Variants in DNAH17 observed in about 807,000 individuals in gnomAD.
DNAH17 encodes dynein axonemal heavy chain 17.
In DNAH17, 376 loss-of-function variants were observed where a neutral mutation model predicts 485.6. The ratio of observed to expected loss-of-function variants is 0.77; its 90% CI spans 0.71 to 0.84. The LOEUF is 0.84. Among genes scored for constraint, DNAH17 ranks in the 40% least tolerant of loss-of-function variants. The probability of loss-of-function intolerance (pLI) is 0.00; values close to 1 mark genes in which losing one functional copy is unlikely to be tolerated. For synonymous variants in DNAH17, 3,031 were observed against 2,405.9 expected (o/e 1.26, Z -7.60); for missense variants, 6,370 against 5,839.3 (o/e 1.09, Z -2.96).
At chr17:78,429,029 C>T (rs2086582729) in intron 76 of DNAH17, 92 bp downstream of exon 76, 3 of 1,405,438 alleles carry the variant, frequency 2.1e-6, no homozygotes, top group Non-Finnish European at 2.9e-6. Flanking sequence ...GGTTCTTGCT[C>T]AATTATTGAC....
Position 78,558,166 on chromosome 17 carries a change from TTC to T in DNAH17, c.2118_2119del (p.Asn707ArgfsTer18), listed in dbSNP as rs1568252040. The T allele has an allele frequency of 1.2e-6, 2 of 1,613,856 alleles. No homozygotes were observed. Among genetic ancestry groups the T allele is most frequent in the South Asian group, 1.1e-5 (1 of 91,012 alleles). On this transcript the variant is annotated frameshift_variant, in exon 14 of 81. Coordinates refer to ENST00000389840, the MANE Select transcript of DNAH17 (RefSeq NM_173628.4). LOFTEE classifies it high-confidence loss of function. ...GCCCACAAACTTCCGGAAAGTTTCG[TTC>T]TCTGAGAACAGACTCTCCGCACTGT...
At chr17:78,526,847 G>A (rs760786468) in intron 23 of DNAH17, 33 bp downstream of exon 23, 134 of 1,557,542 alleles carry the variant, frequency 8.6e-5, no homozygotes, top group Admixed American at 8.3e-4. Flanking sequence ...GCTGCTCCCC[G>A]GAAATCCCGC....
Position 78,494,202 on chromosome 17 carries a change from G to A in DNAH17, c.6271-29C>T, listed in dbSNP as rs745822125. 2.5e-6 allele frequency: 4 copies of A among 1,593,280 alleles called. No individual in the cohort carries two copies. The Admixed American group carries it at 6.8e-5, about 27-fold the overall frequency. Reference sequence around the variant, plus strand: ...GGGAGACATGGATGAGGCTGGGTGAGGAACTGAAGCAGCTTTTCTTTCTTC... The same window carrying A: ...GGGAGACATGGATGAGGCTGGGTGAAGAACTGAAGCAGCTTTTCTTTCTTC... On this transcript the variant is annotated intron_variant, in intron 40 of 80. Transcript: ENST00000389840.
chr17:78,541,541 A>G (rs547370791), intron 17 of DNAH17, among the ~76,000 whole-genome samples: 3 of 152,002 alleles, frequency 2.0e-5, no homozygotes, highest in East Asian at 1.9e-4. Context: ...TAACTTCAGC[A>G]TAAGATAAAA....
intron 63 of DNAH17, 58 bp from the exon 64 acceptor site, chr17:78,454,763 A>C: frequency 1.4e-6 from 2 of 1,439,808 alleles, no homozygotes; most frequent in Non-Finnish European, 1.9e-6. Context: ...ACTTACTAGA[A>C]AATAGCTCTC....
intron 74 of DNAH17, among the ~76,000 whole-genome samples, chr17:78,434,610 C>T (rs1367784578): frequency 6.6e-6 from 1 of 150,956 alleles, no homozygotes; most frequent in Non-Finnish European, 1.5e-5. Context: ...CTAAAAACAA[C>T]TGGTAAAGTT....
intron 57 of DNAH17, 105 bp from the exon 58 acceptor site, chr17:78,461,813 A>C (rs2088143371): frequency 1.7e-6 from 2 of 1,163,988 alleles, no homozygotes; most frequent in East Asian, 5.3e-5. Flanking sequence ...GCAGAACGGC[A>C]GGGCCGTGTC....
At chr17:78,569,670 G>GT in intron 7 of DNAH17, 143 bp from the exon 8 acceptor site, 1 of 1,056,548 alleles carries the variant, frequency 9.5e-7, no homozygotes, top group Non-Finnish European at 1.3e-6. Flanking sequence ...CTGCTGGGCC[G>GT]TTTTTAGGGG....
At chr17:78,458,942 T>C (rs2146523892) in intron 61 of DNAH17, 59 bp downstream of exon 61, 1 of 1,563,030 alleles carries the variant, frequency 6.4e-7, no homozygotes. Flanking sequence ...AGGTATTGAC[T>C]GGCAGCGCGA....
intron 16 of DNAH17, among the ~76,000 whole-genome samples, chr17:78,545,238 T>C (rs1388430996): frequency 6.6e-6 from 1 of 152,238 alleles, no homozygotes; most frequent in Non-Finnish European, 1.5e-5. Flanking sequence ...ACGATATGAT[T>C]AAGCCTGTGT....
intron 14 of DNAH17, among the ~76,000 whole-genome samples, chr17:78,554,436 CAAAAAAAAAAAAAAAAAAAAAA>C (rs55701739): frequency 1.2e-4 from 4 of 32,238 alleles, no homozygotes; most frequent in Admixed American, 6.4e-4. Context: ...GACTCTGTCT[CAAAAAAAAAAAAAAAAAAAAAA>C]AAAAAAAAAA....
intron 43 of DNAH17, 94 bp downstream of exon 43, chr17:78,491,349 T>C (rs1015412435): frequency 2.0e-6 from 3 of 1,500,364 alleles, no homozygotes; most frequent in Non-Finnish European, 2.7e-6. Context: ...AAGCCTGGCA[T>C]GCAGGGCCTG....
At chr17:78,468,104 A>G (rs2088568752) in intron 55 of DNAH17, among the ~76,000 whole-genome samples, 2 of 151,956 alleles carry the variant, frequency 1.3e-5, no homozygotes, top group African/African-American at 4.8e-5. Flanking sequence ...GGGTCCACAT[A>G]GAGTCGGTTG....
rs377623787 is a variant in DNAH17, at chr17:78,486,549, G to C, written c.6819-43C>G. 8 of 1,559,798 alleles carry C rather than the reference G, an allele frequency of 5.1e-6. No homozygotes were observed. In the African/African-American group the frequency reaches 1.1e-4, roughly 21 times the overall value. On this transcript the variant is annotated intron_variant, in intron 44 of 80. Transcript: ENST00000389840. ...CGCCGATGACACAGCCGCTGCTCTG[G>C]GTCTGCCAGTGTCCCTGCCTTGGTA...
chr17:78,559,569 C>G (rs1303016675), intron 13 of DNAH17, among the ~76,000 whole-genome samples: 1 of 152,242 alleles, frequency 6.6e-6, no homozygotes, highest in African/African-American at 2.4e-5. Context: ...CTTGCCTGGA[C>G]TGTGCCAACA....
Position 78,455,751 on chromosome 17 carries a change from C to T in DNAH17, c.10063G>A (p.Asp3355Asn), listed in dbSNP as rs763045843. The change falls in exon 63 of 81, where the codon GAC becomes AAC. Residue 3355 changes from aspartate to asparagine, a missense_variant. Transcript: ENST00000389840. Reference sequence around the variant, plus strand: ...ACGAAGGCAGAGATGAGCAGGACGTCCCCACACAGCGTGACCCCCTGGCTC... The same window carrying T: ...ACGAAGGCAGAGATGAGCAGGACGTTCCCACACAGCGTGACCCCCTGGCTC... ...FRSQGVTLCG[D>N]VLLISAFVSY... 6.2e-7 allele frequency: 1 copy of T among 1,613,354 alleles called. No individual in the cohort carries two copies. The highest frequency in any genetic ancestry group is 1.7e-5 in the Admixed American group (1 of 59,976).
chr17:78,537,761 A>G (rs2091416789), intron 18 of DNAH17, among the ~76,000 whole-genome samples: 1 of 152,244 alleles, frequency 6.6e-6, no homozygotes, highest in Admixed American at 6.5e-5. Context: ...CACACCTGCT[A>G]CTTGCCAGCT....
chr17:78,573,040 G>A (rs1442283159), intron 2 of DNAH17, 146 bp from the exon 3 acceptor site: 23 of 671,334 alleles, frequency 3.4e-5, no homozygotes, highest in Non-Finnish European at 5.0e-5. Context: ...GTCCCCAGGG[G>A]GATTCCAAAG....
At chr17:78,473,416 C>T (rs987130271) in intron 54 of DNAH17, among the ~76,000 whole-genome samples, 4 of 151,870 alleles carry the variant, frequency 2.6e-5, no homozygotes, top group Non-Finnish European at 5.9e-5. Context: ...TGGTGGCGGG[C>T]GCGTGTAGTC....
Sources: gnomAD v4.1 joint callset for allele counts (sites outside exome capture counted in the v4.1 genomes callset) on GRCh38, gnomAD v4.1.1 for gene constraint, MANE v1.5 for transcripts, NCBI Gene and HGNC (gene_info 2026-07-23, HGNC 2026-07-21) for gene names.